The following SP4 variants were observed in gnomAD, a reference collection of about 807,000 sequenced individuals.
The protein encoded by SP4 is Sp4 transcription factor.
Under a neutral mutation model 72.8 loss-of-function variants are expected in SP4, and 19 were observed. The ratio of observed to expected loss-of-function variants is 0.26; its 90% CI spans 0.18 to 0.38. The LOEUF is 0.38. SP4 is among the 10% of genes least tolerant of loss of function. The pLI is 1.00. For missense variants in SP4, 1,008 were observed against 926.3 expected (o/e 1.09, Z -1.14); for synonymous variants, 395 against 333.1 (o/e 1.19, Z -2.02).
intron 5 of SP4, among the ~76,000 whole-genome samples, chr7:21,490,498 T>C (rs901520796): frequency 6.6e-6 from 1 of 152,200 alleles, no homozygotes; most frequent in African/African-American, 2.4e-5. Context: ...TTTTCTGTCT[T>C]GCCACTTCTA....
chr7:21,490,639 G>T (rs1784951439), intron 5 of SP4, among the ~76,000 whole-genome samples: 1 of 152,196 alleles, frequency 6.6e-6, no homozygotes, highest in African/African-American at 2.4e-5. Flanking sequence ...GAAATTTTGA[G>T]AGCGATATAA....
At chr7:21,506,716 C>G (rs1782007879) in intron 5 of SP4, among the ~76,000 whole-genome samples, 1 of 152,168 alleles carries the variant, frequency 6.6e-6, no homozygotes, top group South Asian at 2.1e-4. Context: ...TAATGTCAGG[C>G]CAGCTCTTAA....
At chr7:21,492,426 C>T (rs944834845) in intron 5 of SP4, among the ~76,000 whole-genome samples, 5 of 152,136 alleles carry the variant, frequency 3.3e-5, no homozygotes, top group South Asian at 2.1e-4. Flanking sequence ...ACCAGCAGGA[C>T]GCTCAAAAGA....
chr7:21,500,544 C>T (rs1038604021), intron 5 of SP4, among the ~76,000 whole-genome samples: 6 of 152,120 alleles, frequency 3.9e-5, no homozygotes, highest in African/African-American at 1.4e-4. Context: ...AACCTGCTTC[C>T]AAAGTCGTTT....
At chr7:21,454,478 C>A (rs900115557) in intron 3 of SP4, among the ~76,000 whole-genome samples, 2 of 151,880 alleles carry the variant, frequency 1.3e-5, no homozygotes, top group African/African-American at 4.8e-5. Flanking sequence ...CATACAAGAT[C>A]CTTTCTCATA....
intron 4 of SP4, among the ~76,000 whole-genome samples, chr7:21,481,045 A>G (rs375328709): frequency 8.8e-4 from 134 of 152,292 alleles, no homozygotes; most frequent in Middle Eastern, 3.4e-3. Flanking sequence ...GGTCTTCTCA[A>G]CTGGCCTCTC....
intron 4 of SP4, among the ~76,000 whole-genome samples, chr7:21,479,023 G>A (rs574124882): frequency 2.6e-5 from 4 of 151,162 alleles, no homozygotes; most frequent in South Asian, 4.2e-4. Context: ...AGCCGAGATC[G>A]CGCCACTGCA....
intron 3 of SP4, among the ~76,000 whole-genome samples, chr7:21,455,716 A>G (rs766116227): frequency 1.3e-5 from 2 of 152,106 alleles, no homozygotes; most frequent in African/African-American, 4.8e-5. Flanking sequence ...CCCTGTTCTA[A>G]TGGTAATCTG....
chr7:21,495,005 T>G (rs1785071965), intron 5 of SP4, among the ~76,000 whole-genome samples: 1 of 152,168 alleles, frequency 6.6e-6, no homozygotes, highest in South Asian at 2.1e-4. Flanking sequence ...AGTAGCGTTT[T>G]CAATAAATTG....
intron 3 of SP4, among the ~76,000 whole-genome samples, chr7:21,453,838 A>T (rs546566567): frequency 1.3e-5 from 2 of 152,320 alleles, no homozygotes; most frequent in African/African-American, 2.4e-5. Context: ...TAACGTGTTC[A>T]CACAGGATTT....
intron 3 of SP4, among the ~76,000 whole-genome samples, chr7:21,445,591 C>T (rs1335833126): frequency 6.6e-6 from 1 of 152,044 alleles, no homozygotes; most frequent in African/African-American, 2.4e-5. Context: ...ATACTTTGTT[C>T]TGGGTGAGTT....
intron 3 of SP4, among the ~76,000 whole-genome samples, chr7:21,434,645 C>T (rs1283730329): frequency 1.3e-5 from 2 of 152,058 alleles, no homozygotes; most frequent in East Asian, 1.9e-4. Flanking sequence ...GGTACAAGTG[C>T]GGTTGTGTTA....
chr7:21,457,853 G>A (rs181041057), intron 3 of SP4, among the ~76,000 whole-genome samples: 91 of 152,024 alleles, frequency 6.0e-4, no homozygotes, highest in African/African-American at 2.1e-3. Flanking sequence ...GAGTGCAGTC[G>A]CACATATGTA....
chr7:21,435,277 T>C (rs1201227471), intron 3 of SP4, among the ~76,000 whole-genome samples: 1 of 152,184 alleles, frequency 6.6e-6, no homozygotes, highest in East Asian at 1.9e-4. Context: ...TGCTGACCCT[T>C]CAAGAACTTG....
At chr7:21,480,098 G>T (rs1784638820) in intron 4 of SP4, among the ~76,000 whole-genome samples, 2 of 152,050 alleles carry the variant, frequency 1.3e-5, no homozygotes, top group African/African-American at 2.4e-5. Flanking sequence ...TACTCTGCAG[G>T]AGTTCTGTTT....
At chr7:21,434,395 G>C (rs1782977443) in intron 3 of SP4, among the ~76,000 whole-genome samples, 1 of 152,146 alleles carries the variant, frequency 6.6e-6, no homozygotes, top group Non-Finnish European at 1.5e-5. Context: ...TTCGTTTTAT[G>C]AAATGAGAAT....
chr7:21,481,247 C>G (rs746333969), intron 4 of SP4, among the ~76,000 whole-genome samples: 4 of 152,174 alleles, frequency 2.6e-5, no homozygotes, highest in Non-Finnish European at 4.4e-5. Flanking sequence ...CATCTTGCCC[C>G]TCCTGGGGCC....
At chr7:21,476,937 T>G in intron 3 of SP4, 142 bp from the exon 4 acceptor site, 1 of 624,328 alleles carries the variant, frequency 1.6e-6, no homozygotes, top group Non-Finnish European at 2.8e-6. Context: ...AGGATTGACA[T>G]AGTATAAGCC....
At chr7:21,491,127 G>T (rs1453142559) in intron 5 of SP4, among the ~76,000 whole-genome samples, 1 of 152,110 alleles carries the variant, frequency 6.6e-6, no homozygotes. Context: ...CTTTAAAGCA[G>T]CTCTTATAGC....
Sources: allele counts gnomAD v4.1 joint callset (sites outside exome capture counted in the v4.1 genomes callset), GRCh38; gene constraint gnomAD v4.1.1; transcripts MANE v1.5; gene names NCBI Gene and HGNC (gene_info 2026-07-23, HGNC 2026-07-21).